Variants in B9D2 observed in about 807,000 individuals in gnomAD.
The protein encoded by B9D2 is B9 domain-containing protein 2.
Under a neutral mutation model 19.2 loss-of-function variants are expected in B9D2, and 21 were observed. That is an observed-to-expected ratio of 1.09 (90% CI 0.78 to 1.58). The LOEUF (loss-of-function observed/expected upper bound fraction) is 1.58, where lower values mean the gene tolerates loss of function less well. Ranked by LOEUF, B9D2 falls within the 40% of genes most tolerant of loss-of-function variation. The pLI is 0.00. For missense variants in B9D2, 221 were observed against 244.3 expected, an observed-to-expected ratio of 0.90 and a Z score of 0.64; for synonymous variants, 91 against 100.6, an observed-to-expected ratio of 0.90 and a Z score of 0.57.
Position 41,354,471 on chromosome 19 carries a change from C to T in B9D2, c.*229G>A. The T allele has an allele frequency of 1.6e-6, 1 of 630,760 alleles. No individual in the cohort carries two copies. The highest frequency in any genetic ancestry group is 2.7e-5 in the East Asian group (1 of 36,546). 39.1% of individuals were successfully genotyped at this position (630,760 alleles called of 1,614,324 possible). On this transcript the variant is annotated 3_prime_UTR_variant, in exon 4 of 4. Coordinates refer to ENST00000243578, the MANE Select transcript of B9D2 (RefSeq NM_030578.4). ...ACCTCCCATGTGGCTAAGCAGCCTC[C>T]TGTCACTCAACACCCTGCGACCCCA... is the stretch of plus-strand genomic sequence containing the variant.
chr19:41,354,606 G>T lies in B9D2; in HGVS notation c.*94C>A, dbSNP rs1168445291. ...GCCTTAGCTGGGGTCAGCTCTGACA[G>T]TCTCTAGAGTCTGTGCTCTTGACCA... On this transcript the variant is annotated 3_prime_UTR_variant, in exon 4 of 4. Transcript: ENST00000243578. The T allele has an allele frequency of 1.3e-6, 2 of 1,516,320 alleles. No homozygotes were observed. Among genetic ancestry groups the T allele is most frequent in the Non-Finnish European group, 1.8e-6 (2 of 1,100,816 alleles). The allele number at this position is 1,516,320 out of a possible 1,614,324, so 93.9% of individuals were successfully genotyped here. A position where few individuals can be genotyped will look rare whatever the true frequency, so the allele number is the denominator to read the frequency against.
chr19:41,358,875 G>C (rs1044991901), intron 2 of B9D2, among the ~76,000 whole-genome samples: 1 of 151,948 alleles, frequency 6.6e-6, no homozygotes, highest in African/African-American at 2.4e-5. Flanking sequence ...GAGCGCAGTG[G>C]CTCACACCTC....
At chr19:41,356,514 C>T (rs1263431695) in intron 3 of B9D2, among the ~76,000 whole-genome samples, 1 of 151,530 alleles carries the variant, frequency 6.6e-6, no homozygotes, top group Non-Finnish European at 1.5e-5. Flanking sequence ...TTTTTTTTTC[C>T]CCAGCTCCAG....
Position 41,354,772 on chromosome 19 carries a change from A to ATC in B9D2, c.455_456insGA (p.Ala153MetfsTer60), listed in dbSNP as rs1176589482. On this transcript the variant is annotated frameshift_variant, in exon 4 of 4. Transcript: ENST00000243578. LOFTEE classifies it high-confidence loss of function. ...TCTCCAGGTGCACGGTGCCACCAGC[A>ATC]GCTGTGTGCAGGCGATAGCGGTCGG... 6.8e-6 allele frequency: 11 copies of ATC among 1,613,958 alleles called. No homozygotes were observed. Among genetic ancestry groups the ATC allele is most frequent in the Non-Finnish European group, 1.7e-6 (2 of 1,180,046 alleles).
Position 41,354,507 on chromosome 19 carries a change from G to A in B9D2, c.*193C>T, listed in dbSNP as rs1055079455. Reference sequence around the variant, plus strand: ...CACCCTGCGACCCCATACATTTACTGTCCCCAATTTACAGATAGGGAAACT... The same window carrying A: ...CACCCTGCGACCCCATACATTTACTATCCCCAATTTACAGATAGGGAAACT... On this transcript the variant is annotated 3_prime_UTR_variant, in exon 4 of 4. Coordinates refer to ENST00000243578, the MANE Select transcript of B9D2 (RefSeq NM_030578.4). The A allele has an allele frequency of 2.0e-5, 14 of 714,100 alleles. No individual in the cohort carries two copies. In the African/African-American group the frequency reaches 2.3e-4, roughly 12 times the overall value. 44.2% of individuals were successfully genotyped at this position (714,100 alleles called of 1,614,324 possible). A position where few individuals can be genotyped will look rare whatever the true frequency, so the allele number is the denominator to read the frequency against.
At chr19:41,359,916 C>T (rs148037361) in intron 2 of B9D2, among the ~76,000 whole-genome samples, 14 of 152,140 alleles carry the variant, frequency 9.2e-5, no homozygotes, top group Non-Finnish European at 1.3e-4. Flanking sequence ...CTCCCCCTCC[C>T]TCATCACCCT....
At chr19:41,362,790 T>G (rs972254579) in intron 2 of B9D2, among the ~76,000 whole-genome samples, 1 of 152,158 alleles carries the variant, frequency 6.6e-6, no homozygotes, top group African/African-American at 2.4e-5. Context: ...TACTATTAGC[T>G]TCACTTTGAA....
intron 3 of B9D2, among the ~76,000 whole-genome samples, chr19:41,357,209 C>T (rs1459817651): frequency 6.6e-6 from 1 of 152,128 alleles, no homozygotes; most frequent in Admixed American, 6.5e-5. Context: ...TCCAAATCAC[C>T]TATCTTAGTC....
chr19:41,359,710 A>C (rs981797203), intron 2 of B9D2, among the ~76,000 whole-genome samples: 2 of 152,142 alleles, frequency 1.3e-5, no homozygotes. Flanking sequence ...TCTAAAAAAA[A>C]AAAGAAAAGA....
chr19:41,362,078 C>CAAAA (rs940435937), intron 2 of B9D2, among the ~76,000 whole-genome samples: 2 of 46,016 alleles, frequency 4.3e-5, no homozygotes, highest in Admixed American at 2.7e-4. Flanking sequence ...GACTCTGTCT[C>CAAAA]AAAAAAAAAA....
At chr19:41,362,510 C>G (rs923027011) in intron 2 of B9D2, among the ~76,000 whole-genome samples, 4 of 152,084 alleles carry the variant, frequency 2.6e-5, no homozygotes, top group Non-Finnish European at 5.9e-5. Flanking sequence ...AAGACCCCAT[C>G]AAAGTCTTGT....
chr19:41,362,599 T>C (rs1261187607), intron 2 of B9D2, among the ~76,000 whole-genome samples: 3 of 152,172 alleles, frequency 2.0e-5, no homozygotes, highest in Admixed American at 6.6e-5. Flanking sequence ...ACTCGTTTAG[T>C]ACTCATGACA....
At chr19:41,362,517 T>A (rs1050040668) in intron 2 of B9D2, among the ~76,000 whole-genome samples, 1 of 152,178 alleles carries the variant, frequency 6.6e-6, no homozygotes, top group Non-Finnish European at 1.5e-5. Flanking sequence ...CATCAAAGTC[T>A]TGTATAAGCC....
chr19:41,360,613 C>T (rs951653845), intron 2 of B9D2, among the ~76,000 whole-genome samples: 2 of 152,132 alleles, frequency 1.3e-5, no homozygotes, highest in Non-Finnish European at 2.9e-5. Context: ...TCAAGCGATT[C>T]TCCTGCCTCA....
In B9D2 at chr19:41,354,427, T is replaced by C. The variant is rs1361168373; in HGVS notation, c.*273A>G. 2 of 600,706 alleles carry C rather than the reference T, an allele frequency of 3.3e-6. No individual in the cohort carries two copies. The highest frequency in any genetic ancestry group is 2.9e-5 in the Admixed American group (1 of 34,528). 37.2% of individuals were successfully genotyped at this position (600,706 alleles called of 1,614,324 possible). A position where few individuals can be genotyped will look rare whatever the true frequency, so the allele number is the denominator to read the frequency against. ...GTCAGGAGGCAGACACCTGTAAGAA[T>C]TGCTCTCCTTTACTGAGCACCTCCC... On this transcript the variant is annotated 3_prime_UTR_variant, in exon 4 of 4. Transcript: ENST00000243578.
chr19:41,363,051 C>G (rs1286286643), intron 2 of B9D2: 1 of 259,282 alleles, frequency 3.9e-6, no homozygotes, highest in Non-Finnish European at 7.7e-6. Context: ...TCGAGACCAG[C>G]CTGGGCAACA....
chr19:41,354,848 A>G lies in B9D2; in HGVS notation c.380T>C (p.Phe127Ser), dbSNP rs1035193729. The G allele has an allele frequency of 6.2e-7, 1 of 1,613,824 alleles. No individual in the cohort carries two copies. The highest frequency in any genetic ancestry group is 1.3e-5 in the African/African-American group (1 of 74,934). ...GSWREQLARA[F>S]VGGGPQLLHG... ...CAGCAGCTGCGGCCCACCACCCACG[A>G]AAGCCCGTGCCAACTGTTCTCGCCA... Residue 127 changes from phenylalanine (F) to serine (S), a missense_variant, in exon 4 of 4, where the codon TTC becomes TCC. Phe to Ser is a radical substitution (Grantham distance 155). Transcript: ENST00000243578.
chr19:41,356,988 T>TC (rs757813873), intron 3 of B9D2, among the ~76,000 whole-genome samples: 1 of 152,148 alleles, frequency 6.6e-6, no homozygotes, highest in African/African-American at 2.4e-5. Flanking sequence ...CCCTCTGCCG[T>TC]CCCGCTCTCC....
intron 3 of B9D2, among the ~76,000 whole-genome samples, chr19:41,356,681 T>TA (rs377417750): frequency 0.071 from 10,175 of 142,758 alleles, 381 homozygotes; most frequent in African/African-American, 0.086. Flanking sequence ...CCATCTCTAT[T>TA]AAAAAAAAAA....
Sources: gnomAD v4.1 joint callset for allele counts (sites outside exome capture counted in the v4.1 genomes callset) on GRCh38, gnomAD v4.1.1 for gene constraint, MANE v1.5 for transcripts, NCBI Gene and HGNC (gene_info 2026-07-23, HGNC 2026-07-21) for gene names.